RPS6KC1: variants seen among roughly 807,000 people sequenced by gnomAD.
RPS6KC1 encodes inactive ribosomal protein S6 kinase delta-1.
A neutral mutation model predicts 103.8 loss-of-function variants in RPS6KC1; 54 were observed. The ratio of observed to expected loss-of-function variants is 0.52; its 90% CI spans 0.42 to 0.65. The LOEUF (loss-of-function observed/expected upper bound fraction) is 0.65, where lower values mean the gene tolerates loss of function less well. Ranked by LOEUF, RPS6KC1 falls within the 30% of genes least tolerant of loss-of-function variation. The pLI, the probability that RPS6KC1 is intolerant of heterozygous loss-of-function variation, is 0.00. For synonymous variants in RPS6KC1, 439 were observed against 438.7 expected, an observed-to-expected ratio of 1.00 and a Z score of -0.01; for missense variants, 1,151 against 1,253.8, an observed-to-expected ratio of 0.92 and a Z score of 1.24.
intron 6 of RPS6KC1, among the ~76,000 whole-genome samples, chr1:213,166,395 G>A (rs975417354): frequency 2.6e-5 from 4 of 152,090 alleles, no homozygotes; most frequent in African/African-American, 9.7e-5. Flanking sequence ...TTATTATGTG[G>A]CATGTTTTAT....
At chr1:213,160,165 G>T (rs2090322642) in intron 6 of RPS6KC1, among the ~76,000 whole-genome samples, 1 of 152,180 alleles carries the variant, frequency 6.6e-6, no homozygotes, top group African/African-American at 2.4e-5. Context: ...GAAGCATACT[G>T]TGTTGCCGTT....
the RPS6KC1 span, among the ~76,000 whole-genome samples, chr1:213,603,398 G>A: frequency 1.1e-4 from 16 of 152,318 alleles, no homozygotes; most frequent in African/African-American, 3.8e-4. Context: ...CCTGGCCATG[G>A]GCAGAAGTTA....
the RPS6KC1 span, among the ~76,000 whole-genome samples, chr1:213,551,097 T>C: frequency 1.3e-5 from 2 of 152,180 alleles, no homozygotes; most frequent in Non-Finnish European, 2.9e-5. Context: ...TTTTATTTCT[T>C]CTTCATGCAA....
chr1:213,113,880 C>T (rs866874673), intron 4 of RPS6KC1, among the ~76,000 whole-genome samples: 1,551 of 151,974 alleles, frequency 0.01, 25 homozygotes, highest in African/African-American at 0.035. Context: ...AGATATGCGG[C>T]GTTATTTCTG....
the RPS6KC1 span, among the ~76,000 whole-genome samples, chr1:213,300,775 G>A: frequency 6.6e-6 from 1 of 152,328 alleles, no homozygotes; most frequent in East Asian, 1.9e-4. Flanking sequence ...TGTTCTGGAG[G>A]CAGAGGAGGA....
chr1:213,107,034 C>G (rs528890260), intron 4 of RPS6KC1, among the ~76,000 whole-genome samples: 45 of 152,094 alleles, frequency 3.0e-4, no homozygotes, highest in Admixed American at 5.9e-4. Context: ...TCTTGCCTCC[C>G]GGGTTCAAGC....
At chr1:213,664,823 T>TA in the RPS6KC1 span, among the ~76,000 whole-genome samples, 1 of 152,206 alleles carries the variant, frequency 6.6e-6, no homozygotes, top group African/African-American at 2.4e-5. Flanking sequence ...TGATTGTTTT[T>TA]AATGGTAAAA....
chr1:213,313,759 C>G, the RPS6KC1 span, among the ~76,000 whole-genome samples: 1 of 152,046 alleles, frequency 6.6e-6, no homozygotes, highest in Non-Finnish European at 1.5e-5. Context: ...GGTCAGGAGA[C>G]TGAGACCACG....
chr1:213,288,080 A>G, the RPS6KC1 span, among the ~76,000 whole-genome samples: 1 of 152,180 alleles, frequency 6.6e-6, no homozygotes, highest in African/African-American at 2.4e-5. Context: ...AGTGAGGCGG[A>G]TGATCCTAAT....
intron 8 of RPS6KC1, among the ~76,000 whole-genome samples, chr1:213,187,886 G>A (rs1317237079): frequency 2.6e-5 from 4 of 151,880 alleles, no homozygotes; most frequent in Non-Finnish European, 4.4e-5. Context: ...TTTACATCTA[G>A]GTAACTGCCT....
At chr1:213,546,210 A>G in the RPS6KC1 span, 1 of 152,218 alleles carries the variant, frequency 6.6e-6, no homozygotes, top group South Asian at 2.1e-4. Context: ...GCCAGGCACT[A>G]TGCTGGGAAC....
chr1:213,331,058 A>G, the RPS6KC1 span, among the ~76,000 whole-genome samples: 10 of 152,214 alleles, frequency 6.6e-5, no homozygotes, highest in African/African-American at 2.4e-4. Context: ...GAAAAAAATA[A>G]AGAGAGAAAT....
the RPS6KC1 span, among the ~76,000 whole-genome samples, chr1:213,518,046 T>G: frequency 6.6e-6 from 1 of 152,206 alleles, no homozygotes; most frequent in Non-Finnish European, 1.5e-5. Flanking sequence ...AGACTAGGAT[T>G]GCAACCCCAG....
At chr1:213,281,297 T>C in the RPS6KC1 span, among the ~76,000 whole-genome samples, 1 of 152,208 alleles carries the variant, frequency 6.6e-6, no homozygotes. Flanking sequence ...AAACATGATA[T>C]GGGGGAAAGG....
chr1:213,642,915 C>G, the RPS6KC1 span, among the ~76,000 whole-genome samples: 166 of 151,866 alleles, frequency 1.1e-3, no homozygotes, highest in African/African-American at 3.8e-3. Flanking sequence ...AATATTTTAT[C>G]ATTTTTCTAA....
the RPS6KC1 span, among the ~76,000 whole-genome samples, chr1:213,761,088 T>C: frequency 6.6e-6 from 1 of 152,056 alleles, no homozygotes. Context: ...TCCATGAGCA[T>C]TTTTTGAGAT....
the RPS6KC1 span, among the ~76,000 whole-genome samples, chr1:213,481,914 G>A: frequency 6.6e-6 from 1 of 152,230 alleles, no homozygotes; most frequent in Admixed American, 6.5e-5. Flanking sequence ...GAATGGTTTG[G>A]CACCATCCTT....
intron 6 of RPS6KC1, among the ~76,000 whole-genome samples, chr1:213,132,160 C>T (rs905761648): frequency 2.0e-5 from 3 of 152,158 alleles, no homozygotes; most frequent in Admixed American, 6.5e-5. Context: ...GAACTTGATA[C>T]CAAACCTACT....
chr1:213,792,542 TG>T, the RPS6KC1 span, among the ~76,000 whole-genome samples: 1 of 152,128 alleles, frequency 6.6e-6, no homozygotes, highest in Admixed American at 6.5e-5. Context: ...TTCCCTCAAA[TG>T]GATAGAGACA....
Sources: gnomAD v4.1 joint callset for allele counts (sites outside exome capture counted in the v4.1 genomes callset) on GRCh38, gnomAD v4.1.1 for gene constraint, MANE v1.5 for transcripts, NCBI Gene and HGNC (gene_info 2026-07-23, HGNC 2026-07-21) for gene names.